SMIM8: variants seen among roughly 807,000 people sequenced by gnomAD.
SMIM8 encodes the protein small integral membrane protein 8.
SMIM8 carries 8 observed loss-of-function variants against 8.1 expected under a neutral mutation model. The observed-to-expected ratio is 0.99, with a 90% CI of 0.58 to 1.78. The LOEUF (loss-of-function observed/expected upper bound fraction) is 1.78, where lower values mean the gene tolerates loss of function less well. Among genes scored for constraint, SMIM8 ranks in the 40% most tolerant of loss-of-function variants. SMIM8 has a pLI of 0.00. For missense variants in SMIM8, 126 were observed against 119.8 expected (o/e 1.05, Z -0.24); for synonymous variants, 45 against 39.7 (o/e 1.13, Z -0.50).
chr6:87,326,478 G>A (rs192659247), intron 1 of SMIM8, among the ~76,000 whole-genome samples: 46 of 151,992 alleles, frequency 3.0e-4, no homozygotes, highest in African/African-American at 8.0e-4. Context: ...CTTTGTTCTC[G>A]TTGGTTTCAA....
Position 87,340,140 on chromosome 6 carries a change from T to C in SMIM8, c.160T>C (p.Leu54=). Residue 54 remains leucine (L), a synonymous_variant, in exon 4 of 4, where the codon TTG becomes CTG. Coordinates refer to ENST00000392863, the MANE Select transcript of SMIM8 (RefSeq NM_001042493.3). ...KPNKPVMAFG[L]VTLSLCVAYI... ...GAACAAACCTGTAATGGCTTTCGGA[T>C]TGGTAACTCTTTCACTTTGCGTGGC... The C allele has an allele frequency of 5.0e-6, 8 of 1,591,162 alleles. No homozygotes were observed. The highest frequency in any genetic ancestry group is 4.5e-5 in the East Asian group (2 of 44,140).
intron 2 of SMIM8, among the ~76,000 whole-genome samples, chr6:87,333,311 C>T (rs969936213): frequency 6.6e-6 from 1 of 152,170 alleles, no homozygotes; most frequent in Non-Finnish European, 1.5e-5. Context: ...AGGGATCCAC[C>T]CCCATGACCC....
chr6:87,327,352 C>A (rs1456775257), intron 1 of SMIM8, among the ~76,000 whole-genome samples: 1 of 152,026 alleles, frequency 6.6e-6, no homozygotes, highest in Non-Finnish European at 1.5e-5. Flanking sequence ...ACAGTTTCTT[C>A]CTAGTCTCAA....
chr6:87,339,428 G>GTA (rs1777175812), intron 3 of SMIM8, among the ~76,000 whole-genome samples: 10 of 89,010 alleles, frequency 1.1e-4, no homozygotes, highest in South Asian at 6.7e-4. Flanking sequence ...GTGTGTGTGT[G>GTA]TGTGTGTTTG....
rs577574695 is a variant in SMIM8 at position 87,328,494 on chromosome 6, T to A, written c.-44-2198T>A. ...CAGACAGGACCGTAAGCTTCAGGTC[T>A]GTTGGAGTACCCGGCCGTGTGAGGT... On this transcript the variant is annotated intron_variant, in intron 1 of 3. Transcript: ENST00000392863. Among the ~76,000 whole-genome samples, 13 of 151,706 alleles carry A rather than the reference T, an allele frequency of 8.6e-5. No homozygotes were observed. The South Asian group carries it at 2.7e-3, about 32-fold the overall frequency.
At position 87,341,429 on chromosome 6, in the gene SMIM8, C is replaced by G. The variant is rs866224699; in HGVS notation, c.*1155C>G. 2.3e-5 allele frequency: 9 copies of G among 395,938 alleles called. No homozygotes were observed. The highest frequency in any genetic ancestry group is 1.6e-4 in the African/African-American group (8 of 48,570). The allele number at this position is 395,938 out of a possible 1,614,324, so 24.5% of individuals were successfully genotyped here. ...GTCAAGGCTAGGCCCCTGTGTCTGG[C>G]CAGATTCTGCCTTATAGAATTCAAA... On this transcript the variant is annotated 3_prime_UTR_variant, in exon 4 of 4. Coordinates refer to ENST00000392863, the MANE Select transcript of SMIM8 (RefSeq NM_001042493.3).
intron 2 of SMIM8, among the ~76,000 whole-genome samples, chr6:87,331,916 G>A (rs533125135): frequency 2.3e-4 from 35 of 152,234 alleles, no homozygotes; most frequent in Admixed American, 1.0e-3. Context: ...AGTGGAAATT[G>A]TGGTATATTA....
Position 87,325,161 on chromosome 6 carries a change from G to T in SMIM8, c.-45+2529G>T, listed in dbSNP as rs558701557. On this transcript the variant is annotated intron_variant, in intron 1 of 3. Coordinates refer to ENST00000392863, the MANE Select transcript of SMIM8 (RefSeq NM_001042493.3). ...AAGTTGCTTATCAGCTTAAGGAGAT[G>T]TTGGGCTGAGACAATGGGGTTTTCT... 5.9e-5 allele frequency among the ~76,000 whole-genome samples: 9 copies of T among 152,274 alleles called. No individual in the cohort carries two copies. In the East Asian group the frequency reaches 1.2e-3, roughly 20 times the overall value.
At chr6:87,327,533 T>C (rs1260432755) in intron 1 of SMIM8, among the ~76,000 whole-genome samples, 1 of 150,156 alleles carries the variant, frequency 6.7e-6, no homozygotes, top group East Asian at 1.9e-4. Context: ...TGGCTGGATA[T>C]GAAATTCTGG....
intron 3 of SMIM8, among the ~76,000 whole-genome samples, chr6:87,339,216 C>T (rs1045717007): frequency 3.0e-4 from 46 of 152,162 alleles, no homozygotes; most frequent in African/African-American, 8.7e-4. Flanking sequence ...GCAGGAAAAT[C>T]GCTTGAGCCC....
At chr6:87,329,142 G>C (rs1280133311) in intron 1 of SMIM8, 1 of 154,752 alleles carries the variant, frequency 6.5e-6, no homozygotes, top group African/African-American at 2.4e-5. Context: ...ACTTACCTGC[G>C]CCCAGTGTCT....
intron 2 of SMIM8, 28 bp from the exon 3 acceptor site, chr6:87,336,981 G>A (rs770394687): frequency 6.6e-7 from 1 of 1,507,740 alleles, no homozygotes; most frequent in Admixed American, 2.2e-5. Flanking sequence ...CAATTATGAA[G>A]GGAAAAAATA....
rs191335818 is a variant in SMIM8, at chr6:87,340,170, A to T, written c.190A>T (p.Ile64Phe). Residue 64 changes from isoleucine to phenylalanine, a missense_variant, in exon 4 of 4, where the codon ATT becomes TTT. By Grantham distance (21) the Ile-to-Phe change is conservative (BLOSUM62 0). Coordinates refer to ENST00000392863, the MANE Select transcript of SMIM8 (RefSeq NM_001042493.3). ...LVTLSLCVAY[I>F]GYLHAIQENK... ...AACTCTTTCACTTTGCGTGGCATAT[A>T]TTGGTTATCTACATGCAATACAAGA... 42 of 1,609,486 alleles carry T rather than the reference A, an allele frequency of 2.6e-5. No homozygotes were observed. The East Asian group carries it at 8.3e-4, about 32-fold the overall frequency.
rs1300139400 is a variant in SMIM8, at chr6:87,337,127, C to T, written c.96C>T (p.Thr32=). ...GGCTCAGAGGGGTGCGCACAACAAC[C>T]TTATTTCGTGCTGTGAATCCAGAGC... The part of the protein sequence containing the change: ...SPGLRGVRTT[T]LFRAVNPELF... The change falls in exon 3 of 4, where the codon ACC becomes ACT. Residue 32 remains threonine (T), a synonymous_variant. Coordinates refer to ENST00000392863, the MANE Select transcript of SMIM8 (RefSeq NM_001042493.3). 2 of 1,612,636 alleles carry T rather than the reference C, an allele frequency of 1.2e-6. No individual in the cohort carries two copies. Among genetic ancestry groups the T allele is most frequent in the Non-Finnish European group, 1.7e-6 (2 of 1,179,230 alleles).
At chr6:87,329,457 T>C (rs1776937293) in intron 1 of SMIM8, among the ~76,000 whole-genome samples, 1 of 152,170 alleles carries the variant, frequency 6.6e-6, no homozygotes, top group Non-Finnish European at 1.5e-5. Flanking sequence ...GTATTTTTAG[T>C]AGAGACGGGG....
chr6:87,339,430 G>GTA (rs1267572938), intron 3 of SMIM8, among the ~76,000 whole-genome samples: 32 of 134,564 alleles, frequency 2.4e-4, no homozygotes, highest in African/African-American at 4.9e-4. Flanking sequence ...GTGTGTGTGT[G>GTA]TGTGTTTGTG....
At chr6:87,334,044 C>A (rs1417975457) in intron 2 of SMIM8, among the ~76,000 whole-genome samples, 2 of 152,118 alleles carry the variant, frequency 1.3e-5, no homozygotes, top group African/African-American at 4.8e-5. Context: ...AGACAGGAAG[C>A]AAGAGGGAGG....
intron 2 of SMIM8, among the ~76,000 whole-genome samples, chr6:87,335,527 C>A (rs1278500826): frequency 6.6e-6 from 1 of 151,972 alleles, no homozygotes; most frequent in African/African-American, 2.4e-5. Flanking sequence ...GTTCCTTTTT[C>A]TTCAAGCAGA....
intron 2 of SMIM8, among the ~76,000 whole-genome samples, chr6:87,333,221 A>G (rs899178763): frequency 2.0e-5 from 3 of 152,022 alleles, no homozygotes; most frequent in Admixed American, 1.3e-4. Flanking sequence ...CTTTTTAACA[A>G]CCAGCTCTCC....
Sources: allele counts gnomAD v4.1 joint callset (sites outside exome capture counted in the v4.1 genomes callset), GRCh38; gene constraint gnomAD v4.1.1; transcripts MANE v1.5; gene names NCBI Gene and HGNC (gene_info 2026-07-23, HGNC 2026-07-21).